FAM227B: variants seen among roughly 807,000 people sequenced by gnomAD.
FAM227B encodes family with sequence similarity 227 member B, also known as protein FAM227B.
In FAM227B, 88 loss-of-function variants were observed where a neutral mutation model predicts 73.8. The ratio of observed to expected loss-of-function variants is 1.19; its 90% CI spans 1.00 to 1.42. FAM227B has a LOEUF of 1.42. FAM227B is among the 40% of genes most tolerant of loss of function. FAM227B has a pLI of 0.00. For missense variants in FAM227B, 632 were observed against 590.9 expected, an observed-to-expected ratio of 1.07 and a Z score of -0.72; for synonymous variants, 210 against 190.5, an observed-to-expected ratio of 1.10 and a Z score of -0.84.
chr15:49,496,296 C>T (rs1300966796), intron 11 of FAM227B, among the ~76,000 whole-genome samples: 2 of 152,008 alleles, frequency 1.3e-5, no homozygotes, highest in Non-Finnish European at 2.9e-5. Flanking sequence ...GTTTAAGCTA[C>T]AGTTTATAAA....
At chr15:49,420,049 T>C (rs1478690790) in intron 11 of FAM227B, among the ~76,000 whole-genome samples, 6 of 152,216 alleles carry the variant, frequency 3.9e-5, no homozygotes, top group Non-Finnish European at 8.8e-5. Context: ...AATAAATTTT[T>C]TGAAATAAAT....
At chr15:49,425,405 C>G (rs2050038278) in intron 11 of FAM227B, 1 of 151,896 alleles carries the variant, frequency 6.6e-6, no homozygotes, top group African/African-American at 2.4e-5. Flanking sequence ...GAATAACCAA[C>G]TTCAATAGTA....
intron 11 of FAM227B, among the ~76,000 whole-genome samples, chr15:49,468,955 A>G (rs1167646168): frequency 1.3e-5 from 2 of 152,154 alleles, no homozygotes; most frequent in Non-Finnish European, 2.9e-5. Context: ...AATAACATGC[A>G]TACATTACTA....
At chr15:49,395,817 C>T (rs1209339217) in intron 11 of FAM227B, among the ~76,000 whole-genome samples, 1 of 152,128 alleles carries the variant, frequency 6.6e-6, no homozygotes, top group African/African-American at 2.4e-5. Flanking sequence ...TGTGTGGTAT[C>T]GAAGTTTAAA....
chr15:49,378,735 C>G (rs112207227), intron 11 of FAM227B, among the ~76,000 whole-genome samples: 32 of 152,146 alleles, frequency 2.1e-4, no homozygotes, highest in African/African-American at 7.7e-4. Context: ...ATAAGATAAA[C>G]TCATCTGCAG....
chr15:49,565,948 C>T (rs533849732), intron 9 of FAM227B, among the ~76,000 whole-genome samples: 9 of 152,258 alleles, frequency 5.9e-5, no homozygotes, highest in Non-Finnish European at 1.3e-4. Context: ...ACAGAAGAGG[C>T]AAGGAATAGA....
At chr15:49,336,134 T>G (rs937439227) in intron 13 of FAM227B, among the ~76,000 whole-genome samples, 6 of 152,214 alleles carry the variant, frequency 3.9e-5, no homozygotes, top group African/African-American at 1.4e-4. Flanking sequence ...CTGAGAACCT[T>G]AAAGACTCTT....
chr15:49,397,470 A>G (rs1403528803), intron 11 of FAM227B, among the ~76,000 whole-genome samples: 1 of 152,108 alleles, frequency 6.6e-6, no homozygotes, highest in Non-Finnish European at 1.5e-5. Flanking sequence ...AAGGCAGGCC[A>G]ACGTTCAGAT....
At chr15:49,611,663 A>T (rs1004326322) in intron 2 of FAM227B, among the ~76,000 whole-genome samples, 8 of 152,240 alleles carry the variant, frequency 5.3e-5, no homozygotes, top group African/African-American at 1.7e-4. Context: ...AAAGTTAACT[A>T]GTTACATAGT....
chr15:49,594,146 T>C (rs1358517860), intron 3 of FAM227B, among the ~76,000 whole-genome samples: 1 of 152,216 alleles, frequency 6.6e-6, no homozygotes, highest in African/African-American at 2.4e-5. Flanking sequence ...TATTGCATTG[T>C]GGTTTTGATT....
chr15:49,432,280 G>C (rs969320284), intron 11 of FAM227B, among the ~76,000 whole-genome samples: 1 of 151,594 alleles, frequency 6.6e-6, no homozygotes, highest in Non-Finnish European at 1.5e-5. Context: ...TCCAAACTGT[G>C]TTTCTTTATA....
chr15:49,332,087 C>CCCCACA (rs907403896), intron 14 of FAM227B, among the ~76,000 whole-genome samples: 1 of 127,854 alleles, frequency 7.8e-6, no homozygotes, highest in African/African-American at 2.6e-5. Context: ...TGCACACGTG[C>CCCCACA]CACACACACA....
chr15:49,564,969 AAATGTTGC>A (rs1252236843), intron 9 of FAM227B, among the ~76,000 whole-genome samples: 1 of 152,126 alleles, frequency 6.6e-6, no homozygotes, highest in Non-Finnish European at 1.5e-5. Flanking sequence ...AACCTAAAGT[AAATGTTGC>A]AATTTTTGTA....
At chr15:49,479,504 C>T (rs1053686991) in intron 11 of FAM227B, among the ~76,000 whole-genome samples, 2 of 150,674 alleles carry the variant, frequency 1.3e-5, no homozygotes, top group African/African-American at 4.9e-5. Flanking sequence ...TGGTAACTAA[C>T]TTAATATCTG....
chr15:49,501,500 A>C (rs1293401361), intron 11 of FAM227B, among the ~76,000 whole-genome samples: 2 of 152,226 alleles, frequency 1.3e-5, no homozygotes, highest in African/African-American at 4.8e-5. Context: ...ATTTCTAGGC[A>C]ACAGGGTATT....
At chr15:49,463,991 T>C (rs1184705996) in intron 11 of FAM227B, among the ~76,000 whole-genome samples, 7 of 152,342 alleles carry the variant, frequency 4.6e-5, no homozygotes, top group African/African-American at 9.6e-5. Context: ...ATCTTTTTCA[T>C]TGGCGGAGGT....
chr15:49,348,109 GCCACAGATCACT>G (rs2041792185), intron 13 of FAM227B, among the ~76,000 whole-genome samples: 2 of 151,810 alleles, frequency 1.3e-5, no homozygotes, highest in East Asian at 3.9e-4. Flanking sequence ...TTAATTATGG[GCCACAGATCACT>G]CCCTGATAAG....
intron 13 of FAM227B, among the ~76,000 whole-genome samples, chr15:49,358,832 A>C (rs534377088): frequency 6.6e-6 from 1 of 152,168 alleles, no homozygotes; most frequent in African/African-American, 2.4e-5. Context: ...ACCTGACTTC[A>C]AACTATACTA....
chr15:49,433,958 T>C (rs2050852794), intron 11 of FAM227B, among the ~76,000 whole-genome samples: 2 of 151,728 alleles, frequency 1.3e-5, no homozygotes, highest in South Asian at 4.1e-4. Flanking sequence ...ACTGATAATT[T>C]TGGGGCAGGG....
Sources: allele counts gnomAD v4.1 joint callset (sites outside exome capture counted in the v4.1 genomes callset), GRCh38; gene constraint gnomAD v4.1.1; transcripts MANE v1.5; gene names NCBI Gene and HGNC (gene_info 2026-07-23, HGNC 2026-07-21).